The following PPP1CB variants were observed in gnomAD, a reference collection of about 807,000 sequenced individuals.
PPP1CB encodes the protein protein phosphatase 1 catalytic subunit beta, also known as serine/threonine-protein phosphatase PP1-beta catalytic subunit.
PPP1CB carries 2 observed loss-of-function variants against 43.7 expected under a neutral mutation model. That is an observed-to-expected ratio of 0.05 (90% confidence interval 0.02 to 0.14). The LOEUF (loss-of-function observed/expected upper bound fraction) is 0.14. Ranked by LOEUF, PPP1CB falls within the 10% of genes least tolerant of loss-of-function variation. PPP1CB has a pLI of 1.00. For missense variants in PPP1CB, 84 were observed against 398.0 expected (o/e 0.21, Z 6.71); for synonymous variants, 136 against 135.6 (o/e 1.00, Z -0.02).
At chr2:28,783,035 C>G (rs1433626921) in intron 4 of PPP1CB, among the ~76,000 whole-genome samples, 1 of 152,172 alleles carries the variant, frequency 6.6e-6, no homozygotes, top group East Asian at 1.9e-4. Context: ...TGTGATGATA[C>G]TTGGATTGCC....
At position 28,778,939 on chromosome 2, in the gene PPP1CB, G is replaced by A; in HGVS notation, c.315G>A (p.Leu105=). 6.2e-7 allele frequency: 1 copy of A among 1,611,438 alleles called. No individual in the cohort carries two copies. Among genetic ancestry groups the A allele is most frequent in the South Asian group, 1.1e-5 (1 of 91,028 alleles). ...AGCAGTCTTTGGAAACCATTTGTTTGCTATTGGCTTATAAAATCAAATATC... is the reference window on the plus strand; with the variant it reads ...AGCAGTCTTTGGAAACCATTTGTTTACTATTGGCTTATAAAATCAAATATC... ...RGKQSLETIC[L]LLAYKIKYPE... is the part of the protein sequence containing the mutation. The change falls in exon 3 of 8, where the codon TTG becomes TTA. Residue 105 remains leucine, a synonymous_variant. Coordinates refer to ENST00000395366, the MANE Select transcript of PPP1CB (RefSeq NM_002709.3).
chr2:28,798,108 C>T (rs962030617), intron 7 of PPP1CB, among the ~76,000 whole-genome samples: 1 of 152,088 alleles, frequency 6.6e-6, no homozygotes, highest in East Asian at 1.9e-4. Context: ...CACTAAGGCA[C>T]TATTATGTTC....
rs1572462345 is a variant in PPP1CB, at chr2:28,783,795, A to G, written c.521-112A>G. On this transcript the variant is annotated intron_variant, in intron 4 of 7. Coordinates refer to ENST00000395366, the MANE Select transcript of PPP1CB (RefSeq NM_002709.3). ...GACGTTAAAAGGAACACTTTTCAGT[A>G]TCTTTAATTTCACATAGTGAATCTA... The G allele has an allele frequency of 7.1e-6, 5 of 709,142 alleles. No individual in the cohort carries two copies. The East Asian group carries it at 1.4e-4, about 19-fold the overall frequency. The allele number at this position is 709,142 out of a possible 1,614,324, so 43.9% of individuals were successfully genotyped here. A position where few individuals can be genotyped will look rare whatever the true frequency, so the allele number is the denominator to read the frequency against.
intron 7 of PPP1CB, among the ~76,000 whole-genome samples, chr2:28,796,777 C>T (rs1667505297): frequency 6.6e-6 from 1 of 152,042 alleles, no homozygotes; most frequent in Non-Finnish European, 1.5e-5. Flanking sequence ...CTTTATCTTG[C>T]CTGATTACTC....
At chr2:28,759,338 A>C (rs1278228627) in intron 1 of PPP1CB, among the ~76,000 whole-genome samples, 1 of 152,062 alleles carries the variant, frequency 6.6e-6, no homozygotes, top group Non-Finnish European at 1.5e-5. Flanking sequence ...CAACATGGTG[A>C]AACCCCATCT....
chr2:28,752,664 C>G (rs1377270293), intron 1 of PPP1CB, among the ~76,000 whole-genome samples: 3 of 152,182 alleles, frequency 2.0e-5, no homozygotes, highest in Non-Finnish European at 4.4e-5. Flanking sequence ...ATAAACCTGT[C>G]CTTAACAGGA....
rs922879037 is a variant in PPP1CB at position 28,800,686 on chromosome 2, G to A, written c.*1383G>A. On this transcript the variant is annotated 3_prime_UTR_variant, in exon 8 of 8. Coordinates refer to ENST00000395366, the MANE Select transcript of PPP1CB (RefSeq NM_002709.3). ...GAGAGAACTTACAGGACACAGATTTGTGATTCTTTGACTGTGACACTATTG... is the reference window on the plus strand; with the variant it reads ...GAGAGAACTTACAGGACACAGATTTATGATTCTTTGACTGTGACACTATTG... 4 of 152,392 alleles carry A rather than the reference G, an allele frequency of 2.6e-5. No individual in the cohort carries two copies. Among genetic ancestry groups the A allele is most frequent in the Non-Finnish European group, 5.9e-5 (4 of 67,902 alleles). The allele number at this position is 152,392 out of a possible 1,614,324, so 9.4% of individuals were successfully genotyped here. A position where few individuals can be genotyped will look rare whatever the true frequency, so the allele number is the denominator to read the frequency against.
intron 5 of PPP1CB, among the ~76,000 whole-genome samples, chr2:28,786,828 ACTGGAAAGAGG>A (rs1295433947): frequency 6.6e-6 from 1 of 150,852 alleles, no homozygotes; most frequent in Admixed American, 6.7e-5. Flanking sequence ...TTAGCTTTCT[ACTGGAAAGAGG>A]CTGGAAAGTA....
chr2:28,790,153 A>C (rs1454698406), intron 6 of PPP1CB, among the ~76,000 whole-genome samples: 1 of 151,842 alleles, frequency 6.6e-6, no homozygotes, highest in Non-Finnish European at 1.5e-5. Flanking sequence ...GGTGGTGTGC[A>C]CCTGTAGTCC....
chr2:28,797,943 C>T (rs1021595729), intron 7 of PPP1CB, among the ~76,000 whole-genome samples: 2 of 152,104 alleles, frequency 1.3e-5, no homozygotes, highest in African/African-American at 2.4e-5. Flanking sequence ...TTGGGGCTTT[C>T]CCATTCCTCT....
At chr2:28,785,543 A>G (rs990493378) in intron 5 of PPP1CB, among the ~76,000 whole-genome samples, 1 of 152,136 alleles carries the variant, frequency 6.6e-6, no homozygotes, top group African/African-American at 2.4e-5. Flanking sequence ...CTGGTGCACT[A>G]GTTCATGCTT....
intron 1 of PPP1CB, among the ~76,000 whole-genome samples, chr2:28,752,706 G>A (rs1666350313): frequency 6.6e-6 from 1 of 152,186 alleles, no homozygotes; most frequent in South Asian, 2.1e-4. Context: ...TTTACACAAT[G>A]CTATATAGAA....
At chr2:28,787,703 C>T (rs978631795) in intron 5 of PPP1CB, among the ~76,000 whole-genome samples, 3 of 152,172 alleles carry the variant, frequency 2.0e-5, no homozygotes, top group African/African-American at 7.2e-5. Flanking sequence ...TTTCCCCTTT[C>T]GGGATACGTT....
chr2:28,753,684 G>A (rs1349725577), intron 1 of PPP1CB, among the ~76,000 whole-genome samples: 5 of 152,084 alleles, frequency 3.3e-5, no homozygotes, highest in Non-Finnish European at 7.4e-5. Flanking sequence ...TTAAAAATGT[G>A]TATGTCTTGT....
chr2:28,778,670 A>G (rs2148049890), intron 2 of PPP1CB, 139 bp from the exon 3 acceptor site: 2 of 608,770 alleles, frequency 3.3e-6, no homozygotes, highest in East Asian at 2.7e-5. Context: ...ACTTTCGCTT[A>G]TTAGAAGTAA....
In PPP1CB at chr2:28,783,585, G is replaced by A. The variant is rs952253030; in HGVS notation, c.521-322G>A. Among the ~76,000 whole-genome samples, 10 of 151,966 alleles carry A rather than the reference G, an allele frequency of 6.6e-5. No homozygotes were observed. In the South Asian group the frequency reaches 1.2e-3, roughly 19 times the overall value. On this transcript the variant is annotated intron_variant, in intron 4 of 7. Transcript: ENST00000395366. Reference sequence around the variant, plus strand: ...AGCCTGGCCAACATGGTGAAACCCCGTCTCTACTAAAAATACAAAAAATTA... The same window carrying A: ...AGCCTGGCCAACATGGTGAAACCCCATCTCTACTAAAAATACAAAAAATTA...
intron 7 of PPP1CB, 25 bp from the exon 8 acceptor site, chr2:28,799,174 T>A (rs548847387): frequency 2.3e-5 from 33 of 1,430,332 alleles, no homozygotes; most frequent in Non-Finnish European, 3.0e-5. Flanking sequence ...AAAAATAACA[T>A]TATTTGTTAA....
intron 7 of PPP1CB, among the ~76,000 whole-genome samples, chr2:28,794,644 T>C (rs576263383): frequency 6.6e-6 from 1 of 152,120 alleles, no homozygotes; most frequent in East Asian, 1.9e-4. Context: ...TGAGCCGAGA[T>C]TGCACCACTG....
intron 6 of PPP1CB, 93 bp downstream of exon 6, chr2:28,788,902 G>C: frequency 7.7e-7 from 1 of 1,295,924 alleles, no homozygotes; most frequent in Non-Finnish European, 1.0e-6. Context: ...CTGTCACCCA[G>C]GCTGGAGTGC....
Sources: gnomAD v4.1 joint callset for allele counts (sites outside exome capture counted in the v4.1 genomes callset) on GRCh38, gnomAD v4.1.1 for gene constraint, MANE v1.5 for transcripts, NCBI Gene and HGNC (gene_info 2026-07-23, HGNC 2026-07-21) for gene names.